Variants in NOL7 observed in about 807,000 individuals in gnomAD.
The protein encoded by NOL7 is U3 small nucleolar RNA-associated protein NOL7.
In NOL7, 36 loss-of-function variants were observed where a neutral mutation model predicts 38.4. The observed-to-expected ratio is 0.94, with a 90% CI of 0.72 to 1.24. The LOEUF is 1.24. Among genes scored for constraint, NOL7 ranks in the 50% most tolerant of loss-of-function variants. The probability of loss-of-function intolerance (pLI) is 0.00; values close to 1 mark genes in which losing one functional copy is unlikely to be tolerated. For missense variants in NOL7, 350 were observed against 315.1 expected, an observed-to-expected ratio of 1.11 and a Z score of -0.84; for synonymous variants, 142 against 126.5, an observed-to-expected ratio of 1.12 and a Z score of -0.82.
At chr6:13,619,647 T>A (rs567900782) in intron 5 of NOL7, among the ~76,000 whole-genome samples, 99 of 152,308 alleles carry the variant, frequency 6.5e-4, no homozygotes, top group African/African-American at 2.1e-3. Flanking sequence ...TGACTTTTGG[T>A]TTTAGTATAT....
At position 13,620,269 on chromosome 6, in the gene NOL7, C is replaced by T. The variant is rs370712203; in HGVS notation, c.562C>T (p.Gln188Ter). The change falls in exon 6 of 8, where the codon CAA becomes TAA. Residue 188 changes from glutamine to a stop codon, truncating the protein, a stop_gained. Coordinates refer to ENST00000451315, the MANE Select transcript of NOL7 (RefSeq NM_016167.5). LOFTEE classifies it high-confidence loss of function. ...CCAAGATCTGAGAGATTCAAGGCAA[C>T]AAGCAGCACAAGCCTTCATACATAA... The part of the protein sequence containing the change: ...KDQDLRDSRQ[Q>*]AAQAFIHNSL... 1.9e-6 allele frequency: 3 copies of T among 1,614,010 alleles called. No homozygotes were observed. The highest frequency in any genetic ancestry group is 3.3e-5 in the Admixed American group (2 of 59,996).
In NOL7 at chr6:13,615,351, C is replaced by T. The variant is rs534402764; in HGVS notation, c.-8C>T. ...TCAGAGGTCAGACGGTCTAGCGCTG[C>T]GTGGGCCATGGTGCAGCTCCGACCG... On this transcript the variant is annotated 5_prime_UTR_variant, in exon 1 of 8. Coordinates refer to ENST00000451315, the MANE Select transcript of NOL7 (RefSeq NM_016167.5). 4.7e-6 allele frequency: 7 copies of T among 1,477,934 alleles called. No individual in the cohort carries two copies. Among genetic ancestry groups the T allele is most frequent in the Non-Finnish European group, 6.3e-6 (7 of 1,119,918 alleles). The allele number at this position is 1,477,934 out of a possible 1,614,324, so 91.6% of individuals were successfully genotyped here. A position where few individuals can be genotyped will look rare whatever the true frequency, so the allele number is the denominator to read the frequency against.
chr6:13,622,732 A>C (rs1189826911), downstream of NOL7, among the ~76,000 whole-genome samples: 1 of 152,210 alleles, frequency 6.6e-6, no homozygotes, highest in East Asian at 1.9e-4. Flanking sequence ...CAGACTTTTA[A>C]AGTATCAGAT....
In NOL7 at chr6:13,615,447, A is replaced by C. The variant is rs993951658; in HGVS notation, c.89A>C (p.Glu30Ala). The change falls in exon 1 of 8, where the codon GAG becomes GCG. Residue 30 changes from glutamate to alanine, a missense_variant. Transcript: ENST00000451315. ...DEGQLASEEE[E>A]AEHGLLLGQP... ...GGCCAGCTGGCCTCGGAGGAGGAGGAGGCGGAGCACGGGCTGTTGCTCGGG... is the reference window on the plus strand; with the variant it reads ...GGCCAGCTGGCCTCGGAGGAGGAGGCGGCGGAGCACGGGCTGTTGCTCGGG... The C allele has an allele frequency of 2.6e-6, 4 of 1,549,594 alleles. No individual in the cohort carries two copies. The highest frequency in any genetic ancestry group is 2.0e-5 in the Admixed American group (1 of 50,928).
downstream of NOL7, chr6:13,625,585 G>GT: frequency 8.7e-7 from 1 of 1,152,484 alleles, no homozygotes; most frequent in Admixed American, 1.7e-5. Context: ...GTAAATGCCA[G>GT]TACAAACACC....
intron 8 of NOL7, among the ~76,000 whole-genome samples, chr6:13,630,928 G>A (rs1191446769): frequency 6.6e-6 from 1 of 151,848 alleles, no homozygotes; most frequent in African/African-American, 2.4e-5. Flanking sequence ...TCCTGCCTCA[G>A]CCTCCTGAGT....
downstream of NOL7, among the ~76,000 whole-genome samples, chr6:13,624,727 C>T (rs546338858): frequency 3.5e-4 from 53 of 152,168 alleles, no homozygotes; most frequent in African/African-American, 1.2e-3. Context: ...ATTAGCGTTT[C>T]GCACTTGATG....
chr6:13,620,702 T>A (rs1187493691), intron 7 of NOL7, 52 bp from the exon 8 acceptor site: 3 of 1,284,870 alleles, frequency 2.3e-6, no homozygotes, highest in Non-Finnish European at 3.3e-6. Context: ...ATTAAAAAAA[T>A]TTTGAATTAT....
intron 8 of NOL7, among the ~76,000 whole-genome samples, chr6:13,629,233 C>T (rs1764709178): frequency 1.3e-5 from 2 of 152,292 alleles, no homozygotes; most frequent in Admixed American, 6.5e-5. Flanking sequence ...GCCTCAGCCT[C>T]CCAAAGTGTT....
At chr6:13,625,480 C>A (rs4712058), downstream of NOL7, among the ~76,000 whole-genome samples, 2 of 152,220 alleles carry the variant, frequency 1.3e-5, no homozygotes, top group Non-Finnish European at 2.9e-5. Context: ...TTTAAATCCA[C>A]TTGAATCTGG....
At chr6:13,618,243 AT>A in intron 5 of NOL7, 104 bp downstream of exon 5, 1 of 355,532 alleles carries the variant, frequency 2.8e-6, no homozygotes, top group Non-Finnish European at 4.8e-6. Context: ...TTTTATTTTT[AT>A]TTTTTTATTT....
At chr6:13,632,082 C>T (rs944870525) in intron 8 of NOL7, among the ~76,000 whole-genome samples, 2 of 130,886 alleles carry the variant, frequency 1.5e-5, no homozygotes, top group Admixed American at 1.7e-4. Flanking sequence ...AACGAGGACA[C>T]ACAATGTTGA....
rs747886573 is a variant in NOL7 at position 13,620,709 on chromosome 6, TTA to T, written c.701-43_701-42del. The T allele has an allele frequency of 1.1e-5, 15 of 1,341,182 alleles. No homozygotes were observed. In the South Asian group the frequency reaches 1.6e-4, roughly 14 times the overall value. The allele number at this position is 1,341,182 out of a possible 1,614,324, so 83.1% of individuals were successfully genotyped here. On this transcript the variant is annotated intron_variant, in intron 7 of 7. Transcript: ENST00000451315. ...ATAGAGTAATTAAAAAAATTTTGAA[TTA>T]TGTTTTTCTAATATACTTACTGCAG...
intron 8 of NOL7, among the ~76,000 whole-genome samples, chr6:13,627,151 G>T (rs1418286203): frequency 2.6e-5 from 4 of 152,092 alleles, no homozygotes; most frequent in Non-Finnish European, 4.4e-5. Context: ...CAGGTGCTTG[G>T]TACAGGAAGA....
intron 3 of NOL7, 96 bp from the exon 4 acceptor site, chr6:13,617,674 G>T: frequency 8.8e-7 from 1 of 1,139,482 alleles, no homozygotes; most frequent in East Asian, 2.4e-5. Flanking sequence ...GTAATGAAAG[G>T]GGGTGTCTTA....
At chr6:13,630,769 A>G (rs1764759073) in intron 8 of NOL7, among the ~76,000 whole-genome samples, 1 of 152,208 alleles carries the variant, frequency 6.6e-6, no homozygotes, top group Non-Finnish European at 1.5e-5. Context: ...ATGCGAATAC[A>G]GCTCACCTAT....
At chr6:13,618,249 T>G (rs886164805) in intron 5 of NOL7, 110 bp downstream of exon 5, 8 of 363,842 alleles carry the variant, frequency 2.2e-5, no homozygotes, top group Non-Finnish European at 3.7e-5. Flanking sequence ...TTTTATTTTT[T>G]TATTTTTTTG....
At position 13,615,539 on chromosome 6, in the gene NOL7, G is replaced by C. The variant is rs1764252303; in HGVS notation, c.181G>C (p.Asp61His). The part of the protein sequence containing the change: ...EDEEGDDEFD[D>H]EAPEELTFAS... ...CGAGGAAGGGGACGATGAGTTTGAC[G>C]ATGAGGCCCCGGAGGAGCTGACTTT... Residue 61 changes from aspartate (D) to histidine (H), a missense_variant, in exon 1 of 8, where the codon GAT (aspartate) becomes CAT (histidine). Coordinates refer to ENST00000451315, the MANE Select transcript of NOL7 (RefSeq NM_016167.5). 5.1e-6 allele frequency: 8 copies of C among 1,559,184 alleles called. No homozygotes were observed. The highest frequency in any genetic ancestry group is 7.0e-6 in the Non-Finnish European group (8 of 1,150,938).
chr6:13,623,543 AGT>A (rs1764517689), downstream of NOL7, among the ~76,000 whole-genome samples: 1 of 152,168 alleles, frequency 6.6e-6, no homozygotes, highest in South Asian at 2.1e-4. Context: ...TTGATGAGAA[AGT>A]GTGGTGTCTT....
Sources: allele counts gnomAD v4.1 joint callset (sites outside exome capture counted in the v4.1 genomes callset), GRCh38; gene constraint gnomAD v4.1.1; transcripts MANE v1.5; gene names NCBI Gene and HGNC (gene_info 2026-07-23, HGNC 2026-07-21).